The following ZFC3H1 variants were observed in gnomAD, a reference collection of about 807,000 sequenced individuals.
The protein encoded by ZFC3H1 is zinc finger C3H1-type containing.
In ZFC3H1, 71 loss-of-function variants were observed where a neutral mutation model predicts 243.7. That is an observed-to-expected ratio of 0.29 (90% confidence interval 0.24 to 0.36). The LOEUF is 0.36. Ranked by LOEUF, ZFC3H1 falls within the 10% of genes least tolerant of loss-of-function variation. ZFC3H1 has a pLI of 1.00. For synonymous variants in ZFC3H1, 838 were observed against 813.0 expected (o/e 1.03, Z -0.52); for missense variants, 1,966 against 2,317.1 (o/e 0.85, Z 3.11).
chr12:71,623,537 A>G lies in ZFC3H1; in HGVS notation c.4567T>C (p.Cys1523Arg), dbSNP rs777043957. 3.7e-6 allele frequency: 6 copies of G among 1,613,642 alleles called. No individual in the cohort carries two copies. Among genetic ancestry groups the G allele is most frequent in the Non-Finnish European group, 5.1e-6 (6 of 1,179,846 alleles). ...TGTATGTAGGCCAACCATGCCAAAC[A>G]TCGATCACTGGTTTTAAGGTATTCA... ...VAEYLKTSDR[C>R]LAWLAYIHLI... The change falls in exon 24 of 35, where the codon TGT (cysteine) becomes CGT (arginine). Residue 1523 changes from cysteine to arginine, a missense_variant. Around this residue, in one of 4 missense-constraint regions of ZFC3H1, gnomAD observed 1,383 missense variants for 1,723.7 expected, o/e 0.80. Transcript: ENST00000378743.
At chr12:71,629,842 T>C (rs996194293) in intron 18 of ZFC3H1, 132 bp from the exon 19 acceptor site, 3 of 595,696 alleles carry the variant, frequency 5.0e-6, no homozygotes, top group Admixed American at 2.9e-5. Context: ...CCTATGGCAT[T>C]TGAAAGGGCA....
chr12:71,650,059 G>A (rs985182561), intron 2 of ZFC3H1, among the ~76,000 whole-genome samples: 1 of 151,990 alleles, frequency 6.6e-6, no homozygotes, highest in Non-Finnish European at 1.5e-5. Flanking sequence ...GTGGTGGCAG[G>A]CACCTATAGT....
intron 27 of ZFC3H1, among the ~76,000 whole-genome samples, chr12:71,617,921 G>T (rs1287002207): frequency 1.3e-5 from 2 of 152,084 alleles, no homozygotes; most frequent in Non-Finnish European, 2.9e-5. Flanking sequence ...CTCAAGTCTG[G>T]GAGGGAATAG....
intron 26 of ZFC3H1, 42 bp downstream of exon 26, chr12:71,619,884 A>C: frequency 6.5e-7 from 1 of 1,544,422 alleles, no homozygotes; most frequent in Non-Finnish European, 8.7e-7. Context: ...CAAAATTTGA[A>C]ACATAAAAGC....
chr12:71,649,024 G>T (rs1427250663), intron 2 of ZFC3H1, among the ~76,000 whole-genome samples: 1 of 151,094 alleles, frequency 6.6e-6, no homozygotes, highest in African/African-American at 2.4e-5. Flanking sequence ...CCGGGAGGTG[G>T]AGGTTGCAGT....
chr12:71,659,161 CCA>C (rs1377847958), intron 1 of ZFC3H1, among the ~76,000 whole-genome samples: 4 of 152,088 alleles, frequency 2.6e-5, no homozygotes, highest in African/African-American at 4.8e-5. Flanking sequence ...TAATGCACCT[CCA>C]CAGTTTTACC....
intron 32 of ZFC3H1, 85 bp from the exon 33 acceptor site, chr12:71,611,182 G>C (rs1411688395): frequency 2.2e-6 from 3 of 1,335,068 alleles, no homozygotes; most frequent in East Asian, 5.4e-5. Context: ...CACCACCACT[G>C]GCAGAATACT....
chr12:71,622,903 T>C (rs1179644369), intron 24 of ZFC3H1, among the ~76,000 whole-genome samples: 2 of 152,218 alleles, frequency 1.3e-5, no homozygotes, highest in Non-Finnish European at 2.9e-5. Flanking sequence ...GCTTTATATC[T>C]TGTAATGTGT....
Position 71,632,915 on chromosome 12 carries a change from T to C in ZFC3H1, c.2788A>G (p.Lys930Glu). ...AKAVASKEIG[K>E]RKLEQDRFGP... ...AAGCGATCTTGTTCCAGTTTACGTT[T>C]TCCTATTTCTTTACTGGCCACTGCC... Residue 930 changes from lysine to glutamate, a missense_variant, in exon 14 of 35, where the codon AAA becomes GAA. Lys to Glu is a moderately conservative substitution (Grantham distance 56). Coordinates refer to ENST00000378743, the MANE Select transcript of ZFC3H1 (RefSeq NM_144982.5). 1 of 1,613,028 alleles carries C rather than the reference T, an allele frequency of 6.2e-7. No homozygotes were observed. Among genetic ancestry groups the C allele is most frequent in the African/African-American group, 1.3e-5 (1 of 74,984 alleles).
In ZFC3H1 at chr12:71,626,313, C is replaced by G. The variant is rs1162196593; in HGVS notation, c.4264G>C (p.Glu1422Gln). Residue 1422 changes from glutamate to glutamine, a missense_variant, in exon 22 of 35, where the codon GAA becomes CAA. Coordinates refer to ENST00000378743, the MANE Select transcript of ZFC3H1 (RefSeq NM_144982.5). ...TATTCAACAGCTGTTTCACACATTT[C>G]CTGCACCTCGTCCTTGGTTCCTCTT... ...SKRGTKDEVQ[E>Q]MCETAVEYAP... 6 of 1,613,932 alleles carry G rather than the reference C, an allele frequency of 3.7e-6. No individual in the cohort carries two copies. Among genetic ancestry groups the G allele is most frequent in the Non-Finnish European group, 5.1e-6 (6 of 1,179,974 alleles).
intron 22 of ZFC3H1, among the ~76,000 whole-genome samples, chr12:71,624,867 T>C (rs1198642171): frequency 6.6e-6 from 1 of 152,192 alleles, no homozygotes; most frequent in East Asian, 1.9e-4. Context: ...CTTGGGAGGC[T>C]GAGGCAGGAG....
Position 71,611,103 on chromosome 12 carries a change from A to AG in ZFC3H1, c.5730-7dup, listed in dbSNP as rs1879756875. 2.7e-6 allele frequency: 4 copies of AG among 1,475,252 alleles called. No individual in the cohort carries two copies. Among genetic ancestry groups the AG allele is most frequent in the Admixed American group, 2.5e-5 (1 of 39,944 alleles). 91.4% of individuals were successfully genotyped at this position (1,475,252 alleles called of 1,614,324 possible). A position where few individuals can be genotyped will look rare whatever the true frequency, so the allele number is the denominator to read the frequency against. On this transcript the variant is annotated splice_polypyrimidine_tract_variant and splice_region_variant and intron_variant, in intron 32 of 34. Coordinates refer to ENST00000378743, the MANE Select transcript of ZFC3H1 (RefSeq NM_144982.5). Reference sequence around the variant, plus strand: ...CAATCTCAGCAGCAATGGCTCTAAGAGAAAAAAAAAAAAAAAGAAATATAG... The same window carrying AG: ...CAATCTCAGCAGCAATGGCTCTAAGAGGAAAAAAAAAAAAAAAGAAATATAG...
intron 6 of ZFC3H1, among the ~76,000 whole-genome samples, chr12:71,640,598 TTCC>T (rs1378186054): frequency 1.3e-5 from 2 of 152,016 alleles, no homozygotes; most frequent in Non-Finnish European, 2.9e-5. Context: ...GCAACTGCAG[TTCC>T]TGCTCTGCTT....
rs938781272 is a variant in ZFC3H1, at chr12:71,624,908, A to T, written c.4318-616T>A. Among the ~76,000 whole-genome samples the T allele has an allele frequency of 3.3e-5, 5 of 152,240 alleles. No individual in the cohort carries two copies. The South Asian group carries it at 8.3e-4, about 25-fold the overall frequency. Reference sequence around the variant, plus strand: ...CTTCAACCCAGGAGACGGAGGTTGCAGTGAGCCAACATCACACCATTGCAC... The same window carrying T: ...CTTCAACCCAGGAGACGGAGGTTGCTGTGAGCCAACATCACACCATTGCAC... On this transcript the variant is annotated intron_variant, in intron 22 of 34. Coordinates refer to ENST00000378743, the MANE Select transcript of ZFC3H1 (RefSeq NM_144982.5).
Position 71,610,376 on chromosome 12 carries a change from CA to C in ZFC3H1, c.*51del. On this transcript the variant is annotated 3_prime_UTR_variant, in exon 35 of 35. Coordinates refer to ENST00000378743, the MANE Select transcript of ZFC3H1 (RefSeq NM_144982.5). The stretch of plus-strand genomic sequence containing the variant: ...ATCAGCCTAATCTTGAAGAATCATT[CA>C]AATAATTTTGGCAATTATTATAAGG... 6.3e-7 allele frequency: 1 copy of C among 1,581,604 alleles called. No individual in the cohort carries two copies. The highest frequency in any genetic ancestry group is 8.6e-7 in the Non-Finnish European group (1 of 1,163,028).
chr12:71,660,686 T>C (rs17110118), intron 1 of ZFC3H1, among the ~76,000 whole-genome samples: 2,689 of 152,174 alleles, frequency 0.018, 68 homozygotes, highest in African/African-American at 0.061. Context: ...AGAATAAAAA[T>C]TTTAAGAAAA....
In ZFC3H1 at chr12:71,637,037, G is replaced by A. The variant is rs1325509006; in HGVS notation, c.1748C>T (p.Pro583Leu). 8 of 1,613,402 alleles carry A rather than the reference G, an allele frequency of 5.0e-6. No individual in the cohort carries two copies. Among genetic ancestry groups the A allele is most frequent in the Admixed American group, 1.7e-5 (1 of 59,914 alleles). Residue 583 changes from proline to leucine, a missense_variant, in exon 8 of 35, where the codon CCT becomes CTT. Coordinates refer to ENST00000378743, the MANE Select transcript of ZFC3H1 (RefSeq NM_144982.5). ...QVSSLPPLSQ[P>L]YVEGLCVSLE... ...AGAAACACACAAGCCTTCCACATAAGGCTGGCTCAAAGGTGGCAGAGACTA... is the reference window on the plus strand; with the variant it reads ...AGAAACACACAAGCCTTCCACATAAAGCTGGCTCAAAGGTGGCAGAGACTA...
At chr12:71,626,879 C>T (rs1199939597) in intron 21 of ZFC3H1, among the ~76,000 whole-genome samples, 1 of 152,196 alleles carries the variant, frequency 6.6e-6, no homozygotes, top group Non-Finnish European at 1.5e-5. Flanking sequence ...CGGTCAAGGG[C>T]TTGCTATCTC....
chr12:71,648,728 A>T (rs1880793135), intron 2 of ZFC3H1, among the ~76,000 whole-genome samples: 1 of 152,228 alleles, frequency 6.6e-6, no homozygotes, highest in Non-Finnish European at 1.5e-5. Flanking sequence ...ATTTCAAGAC[A>T]AATGAGTTCT....
Sources: gnomAD v4.1 joint callset for allele counts (sites outside exome capture counted in the v4.1 genomes callset) on GRCh38, gnomAD v4.1.1 for gene constraint, gnomAD v4.1.1 regional missense constraint, MANE v1.5 for transcripts, NCBI Gene and HGNC (gene_info 2026-07-23, HGNC 2026-07-21) for gene names.